The following ZNF385B variants were observed in gnomAD, a reference collection of about 807,000 sequenced individuals.
ZNF385B encodes the protein zinc finger protein 533.
Under a neutral mutation model 39.2 loss-of-function variants are expected in ZNF385B, and 23 were observed. The observed-to-expected ratio is 0.59, with a 90% confidence interval of 0.42 to 0.83. The LOEUF (loss-of-function observed/expected upper bound fraction) is 0.83, where lower values mean the gene tolerates loss of function less well. Among genes scored for constraint, ZNF385B ranks in the 40% least tolerant of loss-of-function variants. The pLI, the probability that ZNF385B is intolerant of heterozygous loss-of-function variation, is 0.00. For synonymous variants in ZNF385B, 205 were observed against 222.6 expected, an observed-to-expected ratio of 0.92 and a Z score of 0.70; for missense variants, 552 against 598.9, an observed-to-expected ratio of 0.92 and a Z score of 0.82.
At chr2:179,762,032 T>C (rs1228913466) in intron 3 of ZNF385B, among the ~76,000 whole-genome samples, 1 of 152,176 alleles carries the variant, frequency 6.6e-6, no homozygotes, top group Non-Finnish European at 1.5e-5. Context: ...ATGTTACCTG[T>C]AGGCTTTGTT....
At chr2:179,784,833 C>T (rs187097280) in intron 1 of ZNF385B, among the ~76,000 whole-genome samples, 135 of 152,028 alleles carry the variant, frequency 8.9e-4, no homozygotes, top group Middle Eastern at 6.8e-3. Context: ...TTGTATACGC[C>T]GGTGGAAGTA....
At chr2:179,462,951 A>G (rs1221095889) in intron 6 of ZNF385B, among the ~76,000 whole-genome samples, 2 of 152,162 alleles carry the variant, frequency 1.3e-5, no homozygotes, top group Non-Finnish European at 2.9e-5. Flanking sequence ...GCAGTGCAAT[A>G]ATCACACACA....
intron 3 of ZNF385B, among the ~76,000 whole-genome samples, chr2:179,713,026 A>G (rs759725068): frequency 2.0e-5 from 3 of 152,174 alleles, no homozygotes; most frequent in Non-Finnish European, 4.4e-5. Flanking sequence ...TCAGGAGGGT[A>G]AACAACCCAC....
intron 5 of ZNF385B, among the ~76,000 whole-genome samples, chr2:179,511,641 A>T (rs1391164289): frequency 1.3e-5 from 2 of 152,214 alleles, no homozygotes; most frequent in East Asian, 3.9e-4. Context: ...AGTAAAGAGT[A>T]GCACAGTCAG....
intron 1 of ZNF385B, among the ~76,000 whole-genome samples, chr2:179,789,479 T>C (rs1364264336): frequency 6.6e-6 from 1 of 152,190 alleles, no homozygotes; most frequent in Non-Finnish European, 1.5e-5. Context: ...CAGCTGGCAG[T>C]CAACCATCCA....
intron 3 of ZNF385B, among the ~76,000 whole-genome samples, chr2:179,768,347 A>T (rs1414964270): frequency 6.6e-6 from 1 of 152,220 alleles, no homozygotes; most frequent in African/African-American, 2.4e-5. Context: ...TTTTTCTACT[A>T]TTATAAGTGT....
At chr2:179,452,597 T>G (rs926875132) in intron 6 of ZNF385B, among the ~76,000 whole-genome samples, 2 of 152,148 alleles carry the variant, frequency 1.3e-5, no homozygotes, top group South Asian at 4.1e-4. Flanking sequence ...TTTTTATTAT[T>G]TGACTTGTAA....
intron 6 of ZNF385B, among the ~76,000 whole-genome samples, chr2:179,459,702 A>T (rs1438768272): frequency 6.6e-6 from 1 of 151,220 alleles, no homozygotes; most frequent in Non-Finnish European, 1.5e-5. Context: ...TTAAATAAAA[A>T]ATGTGCATTA....
At chr2:179,494,876 A>G (rs1260724593) in intron 5 of ZNF385B, among the ~76,000 whole-genome samples, 1 of 152,192 alleles carries the variant, frequency 6.6e-6, no homozygotes, top group African/African-American at 2.4e-5. Flanking sequence ...GATATTTCAT[A>G]TGAGTAATTA....
intron 1 of ZNF385B, among the ~76,000 whole-genome samples, chr2:179,826,532 C>T (rs966071498): frequency 2.0e-5 from 3 of 152,076 alleles, no homozygotes; most frequent in Admixed American, 2.0e-4. Context: ...TGCAGAGAAG[C>T]GAAAATACTC....
At chr2:179,570,363 C>A (rs1388255334) in intron 3 of ZNF385B, among the ~76,000 whole-genome samples, 1 of 152,104 alleles carries the variant, frequency 6.6e-6, no homozygotes, top group Non-Finnish European at 1.5e-5. Flanking sequence ...AATCTGGGGG[C>A]TTGGGAACAA....
chr2:179,818,460 A>C (rs900602238), intron 1 of ZNF385B, among the ~76,000 whole-genome samples: 3 of 152,212 alleles, frequency 2.0e-5, no homozygotes, highest in African/African-American at 7.2e-5. Flanking sequence ...TGGCTCTTTA[A>C]ATCAGTATTA....
intron 5 of ZNF385B, among the ~76,000 whole-genome samples, chr2:179,492,664 T>C (rs1033267): frequency 0.84 from 127,478 of 151,922 alleles, 53,711 homozygotes; most frequent in South Asian, 0.93. Flanking sequence ...ATATTAGTTA[T>C]TTATCATTAC....
chr2:179,801,159 G>C (rs908385017), intron 1 of ZNF385B, among the ~76,000 whole-genome samples: 2 of 151,992 alleles, frequency 1.3e-5, no homozygotes, highest in Non-Finnish European at 2.9e-5. Context: ...GAGGTAATGA[G>C]GCAAATATAG....
chr2:179,573,619 A>G (rs1685480811), intron 3 of ZNF385B, among the ~76,000 whole-genome samples: 1 of 152,122 alleles, frequency 6.6e-6, no homozygotes, highest in African/African-American at 2.4e-5. Context: ...TAAAAGCTAA[A>G]TTTAAGAAAG....
At chr2:179,620,644 A>T in intron 3 of ZNF385B, among the ~76,000 whole-genome samples, 1 of 152,160 alleles carries the variant, frequency 6.6e-6, no homozygotes, top group East Asian at 1.9e-4. Flanking sequence ...ATTTTGGCAG[A>T]TCGGTAAAGA....
chr2:179,763,853 A>G (rs1387196835), intron 3 of ZNF385B, among the ~76,000 whole-genome samples: 1 of 152,174 alleles, frequency 6.6e-6, no homozygotes, highest in Admixed American at 6.5e-5. Flanking sequence ...CAGTTCCTTC[A>G]AACGCATTAA....
intron 4 of ZNF385B, among the ~76,000 whole-genome samples, chr2:179,525,165 T>C (rs1027760354): frequency 1.2e-4 from 18 of 152,130 alleles, no homozygotes; most frequent in African/African-American, 4.3e-4. Context: ...ACTGCCAGAA[T>C]CATGAGTGTA....
chr2:179,705,426 A>G (rs981149780), intron 3 of ZNF385B, among the ~76,000 whole-genome samples: 11 of 152,276 alleles, frequency 7.2e-5, no homozygotes, highest in Admixed American at 7.2e-4. Context: ...CTTTCTCACC[A>G]CCCACAAAAC....
Sources: gnomAD v4.1 joint callset for allele counts (sites outside exome capture counted in the v4.1 genomes callset) on GRCh38, gnomAD v4.1.1 for gene constraint, MANE v1.5 for transcripts, NCBI Gene and HGNC (gene_info 2026-07-23, HGNC 2026-07-21) for gene names.